Variants in AGBL4 observed in about 807,000 individuals in gnomAD.
AGBL4 encodes the protein cytosolic carboxypeptidase 6.
AGBL4 carries 58 observed loss-of-function variants against 66.4 expected under a neutral mutation model. The observed-to-expected ratio is 0.87, with a 90% CI of 0.71 to 1.09. The LOEUF (loss-of-function observed/expected upper bound fraction) is 1.09, where lower values mean the gene tolerates loss of function less well. Ranked by LOEUF, AGBL4 falls within the 50% of genes least tolerant of loss-of-function variation. The probability of loss-of-function intolerance (pLI) is 0.00; values close to 1 mark genes in which losing one functional copy is unlikely to be tolerated. For synonymous variants in AGBL4, 234 were observed against 222.9 expected, an observed-to-expected ratio of 1.05 and a Z score of -0.44; for missense variants, 579 against 631.0, an observed-to-expected ratio of 0.92 and a Z score of 0.88.
chr1:48,861,768 C>T (rs1647494869), intron 6 of AGBL4, among the ~76,000 whole-genome samples: 1 of 152,188 alleles, frequency 6.6e-6, no homozygotes. Context: ...CATTCTGACA[C>T]CCAATGACTA....
intron 2 of AGBL4, among the ~76,000 whole-genome samples, chr1:49,769,493 C>T (rs1006751634): frequency 6.6e-5 from 10 of 151,934 alleles, no homozygotes; most frequent in African/African-American, 2.4e-4. Context: ...TCCAAAAAAG[C>T]GCCTGAATAG....
intron 4 of AGBL4, among the ~76,000 whole-genome samples, chr1:49,061,935 C>A (rs1644409710): frequency 6.6e-6 from 1 of 152,102 alleles, no homozygotes; most frequent in African/African-American, 2.4e-5. Flanking sequence ...ACCCCTGGGG[C>A]CACGGACAGG....
chr1:48,861,587 G>GA (rs1183580267), intron 6 of AGBL4, among the ~76,000 whole-genome samples: 1 of 152,138 alleles, frequency 6.6e-6, no homozygotes, highest in East Asian at 1.9e-4. Context: ...AGAAGACAAT[G>GA]AAAAAATAGG....
At chr1:49,322,385 C>A (rs1361649992) in intron 3 of AGBL4, among the ~76,000 whole-genome samples, 1 of 152,164 alleles carries the variant, frequency 6.6e-6, no homozygotes, top group Non-Finnish European at 1.5e-5. Flanking sequence ...AGAAATGAGA[C>A]TCTTTTTAAA....
chr1:49,329,752 G>C (rs1304910590), intron 3 of AGBL4, among the ~76,000 whole-genome samples: 1 of 151,624 alleles, frequency 6.6e-6, no homozygotes, highest in Admixed American at 6.6e-5. Flanking sequence ...AATCTTTCAA[G>C]TGTGGCCCAT....
At chr1:49,207,943 A>G (rs1308607078) in intron 4 of AGBL4, among the ~76,000 whole-genome samples, 1 of 151,914 alleles carries the variant, frequency 6.6e-6, no homozygotes, top group Non-Finnish European at 1.5e-5. Flanking sequence ...CTTTCACTCT[A>G]TATTATCCTT....
chr1:48,800,133 A>T (rs1163521823), intron 6 of AGBL4, among the ~76,000 whole-genome samples: 4 of 151,938 alleles, frequency 2.6e-5, no homozygotes, highest in African/African-American at 4.8e-5. Flanking sequence ...GGTCCTGGAC[A>T]TTTTTTTGTT....
At chr1:49,505,210 G>T (rs1255925090) in intron 3 of AGBL4, among the ~76,000 whole-genome samples, 2 of 151,808 alleles carry the variant, frequency 1.3e-5, no homozygotes, top group African/African-American at 4.8e-5. Flanking sequence ...TGTAGCTATT[G>T]TTTTTACTAG....
chr1:49,486,692 T>C (rs1288515146), intron 3 of AGBL4, among the ~76,000 whole-genome samples: 1 of 152,018 alleles, frequency 6.6e-6, no homozygotes, highest in African/African-American at 2.4e-5. Context: ...GGAAATCCCA[T>C]TGTCCCATCT....
At chr1:48,932,189 C>G (rs1040152129) in intron 5 of AGBL4, among the ~76,000 whole-genome samples, 1 of 152,132 alleles carries the variant, frequency 6.6e-6, no homozygotes, top group African/African-American at 2.4e-5. Flanking sequence ...GATAGGTATG[C>G]AGGATGGTAC....
intron 11 of AGBL4, among the ~76,000 whole-genome samples, chr1:48,566,025 TC>T (rs1451022761): frequency 6.6e-6 from 1 of 152,200 alleles, no homozygotes; most frequent in Non-Finnish European, 1.5e-5. Context: ...GCATATACCA[TC>T]CACTCCTGTT....
intron 2 of AGBL4, among the ~76,000 whole-genome samples, chr1:49,759,279 C>G (rs1652127603): frequency 6.6e-6 from 1 of 152,170 alleles, no homozygotes; most frequent in Non-Finnish European, 1.5e-5. Flanking sequence ...CTGTAGTTTT[C>G]TTCACTAAAA....
chr1:49,189,464 A>G (rs1193849374), intron 4 of AGBL4, among the ~76,000 whole-genome samples: 1 of 152,186 alleles, frequency 6.6e-6, no homozygotes, highest in Non-Finnish European at 1.5e-5. Context: ...TTTGTTGAGT[A>G]GTGGTTTACA....
At chr1:48,786,898 T>C (rs1645420996) in intron 6 of AGBL4, among the ~76,000 whole-genome samples, 1 of 152,200 alleles carries the variant, frequency 6.6e-6, no homozygotes, top group Admixed American at 6.5e-5. Context: ...AGTGTTTTCT[T>C]ACCCTATTAT....
chr1:48,852,311 T>C (rs1647053672), intron 6 of AGBL4, among the ~76,000 whole-genome samples: 1 of 152,158 alleles, frequency 6.6e-6, no homozygotes, highest in Non-Finnish European at 1.5e-5. Context: ...GCACCAGTAA[T>C]GGCAGGTCAG....
chr1:49,938,282 C>G (rs1282525635), intron 1 of AGBL4, among the ~76,000 whole-genome samples: 4 of 152,104 alleles, frequency 2.6e-5, no homozygotes, highest in African/African-American at 9.7e-5. Flanking sequence ...TACACCCTCC[C>G]AAGACTAAAC....
chr1:49,549,301 A>C (rs1347562926), intron 3 of AGBL4, among the ~76,000 whole-genome samples: 1 of 127,666 alleles, frequency 7.8e-6, no homozygotes. Context: ...GATCTTGGTT[A>C]TTTCCTTTTT....
rs146298479 is a variant in AGBL4 at position 48,613,245 on chromosome 1, T to C, written c.951+21248A>G. 2.3e-4 allele frequency among the ~76,000 whole-genome samples: 35 copies of C among 152,316 alleles called. No individual in the cohort carries two copies. In the East Asian group the frequency reaches 5.0e-3, roughly 22 times the overall value. On this transcript the variant is annotated intron_variant, in intron 9 of 13. Transcript: ENST00000371839. ...AATGAGAGAGGTTAAATAACTTACC[T>C]AAGATCACACAGCTAGTCTGTGGTG...
chr1:48,566,769 T>C (rs1644483174), intron 11 of AGBL4, among the ~76,000 whole-genome samples: 1 of 152,214 alleles, frequency 6.6e-6, no homozygotes, highest in African/African-American at 2.4e-5. Context: ...ATGGCCTTTG[T>C]TCTTGAAAAG....
Sources: gnomAD v4.1 joint callset for allele counts (sites outside exome capture counted in the v4.1 genomes callset) on GRCh38, gnomAD v4.1.1 for gene constraint, MANE v1.5 for transcripts, NCBI Gene and HGNC (gene_info 2026-07-23, HGNC 2026-07-21) for gene names.